The following PPP2R2B variants were observed in gnomAD, a reference collection of about 807,000 sequenced individuals.
PPP2R2B encodes serine/threonine-protein phosphatase 2A 55 kDa regulatory subunit B beta isoform.
A neutral mutation model predicts 46.0 loss-of-function variants in PPP2R2B; 5 were observed. That is an observed-to-expected ratio of 0.11 (90% CI 0.06 to 0.23). The LOEUF is 0.23. Ranked by LOEUF, PPP2R2B falls within the 10% of genes least tolerant of loss-of-function variation. The probability of loss-of-function intolerance (pLI) is 1.00; values close to 1 mark genes in which losing one functional copy is unlikely to be tolerated. For missense variants in PPP2R2B, 367 were observed against 575.0 expected (o/e 0.64, Z 3.70); for synonymous variants, 215 against 206.7 (o/e 1.04, Z -0.34).
chr5:146,978,503 G>T lies in PPP2R2B; in HGVS notation c.79+77162C>A, dbSNP rs113018230. Among the ~76,000 whole-genome samples the T allele has an allele frequency of 2.4e-3, 362 of 152,192 alleles. 2 individuals carry two copies. Among genetic ancestry groups the T allele is most frequent in the African/African-American group, 8.4e-3 (348 of 41,526 alleles). On this transcript the variant is annotated intron_variant, in intron 1 of 8. Transcript: ENST00000336640. ...TCTTCTAGGGCTTTTATGATTTTAC[G>T]TACTACGTTTAAGTCTTTAATACAT...
chr5:146,939,734 T>C (rs1469650147), intron 1 of PPP2R2B, among the ~76,000 whole-genome samples: 4 of 152,186 alleles, frequency 2.6e-5, no homozygotes, highest in Admixed American at 6.5e-5. Context: ...TTGTATTTTA[T>C]CCCCAAATTA....
At chr5:147,033,639 T>C (rs1755899366) in intron 1 of PPP2R2B, among the ~76,000 whole-genome samples, 1 of 152,140 alleles carries the variant, frequency 6.6e-6, no homozygotes, top group Non-Finnish European at 1.5e-5. Flanking sequence ...TTCATCCTCA[T>C]TCTTTGCTAT....
At chr5:146,867,376 G>A (rs1163326672) in intron 2 of PPP2R2B, among the ~76,000 whole-genome samples, 1 of 151,912 alleles carries the variant, frequency 6.6e-6, no homozygotes, top group Non-Finnish European at 1.5e-5. Flanking sequence ...TTCTTCATCG[G>A]GCCTTTCATT....
intron 1 of PPP2R2B, among the ~76,000 whole-genome samples, chr5:146,955,932 C>G (rs1751880317): frequency 6.6e-6 from 1 of 151,760 alleles, no homozygotes; most frequent in Non-Finnish European, 1.5e-5. Flanking sequence ...ATGCCCACCA[C>G]TGTGCCCGGC....
chr5:146,930,253 G>C (rs1323388270), intron 1 of PPP2R2B, among the ~76,000 whole-genome samples: 3 of 152,140 alleles, frequency 2.0e-5, no homozygotes, highest in African/African-American at 7.2e-5. Flanking sequence ...CTCTCTGGAG[G>C]GACAGCAGCA....
At chr5:146,604,782 C>A (rs1772107879) in intron 7 of PPP2R2B, among the ~76,000 whole-genome samples, 1 of 152,212 alleles carries the variant, frequency 6.6e-6, no homozygotes, top group Non-Finnish European at 1.5e-5. Flanking sequence ...CAGGATCATG[C>A]AGCTAGGCAG....
chr5:147,026,341 G>A (rs1169455074), intron 1 of PPP2R2B, among the ~76,000 whole-genome samples: 1 of 152,056 alleles, frequency 6.6e-6, no homozygotes, highest in Non-Finnish European at 1.5e-5. Context: ...TCAAAACAAT[G>A]ATGCTGAGTT....
intron 2 of PPP2R2B, among the ~76,000 whole-genome samples, chr5:146,811,769 T>G (rs1403610700): frequency 1.3e-5 from 2 of 148,408 alleles, no homozygotes; most frequent in Non-Finnish European, 3.0e-5. Flanking sequence ...GGGTTTCACC[T>G]TGTTAGCCAG....
chr5:146,608,887 T>A (rs912416648), intron 7 of PPP2R2B, among the ~76,000 whole-genome samples: 5 of 152,076 alleles, frequency 3.3e-5, no homozygotes, highest in African/African-American at 1.2e-4. Context: ...CTACTCCAAC[T>A]GTTACAAAAA....
chr5:146,635,578 C>T (rs322491), intron 7 of PPP2R2B, among the ~76,000 whole-genome samples: 19,051 of 152,176 alleles, frequency 0.13, 2,283 homozygotes, highest in African/African-American at 0.3. Flanking sequence ...CAGGGCTTCC[C>T]GTGCCATCCC....
rs140989094 is a variant in PPP2R2B at position 147,003,977 on chromosome 5, C to T, written c.79+51688G>A. 3.9e-3 allele frequency among the ~76,000 whole-genome samples: 595 copies of T among 152,180 alleles called. 1 individual carries two copies. Among genetic ancestry groups the T allele is most frequent in the African/African-American group, 0.014 (567 of 41,526 alleles). On this transcript the variant is annotated intron_variant, in intron 1 of 8. Coordinates refer to the PPP2R2B transcript ENST00000336640. Reference sequence around the variant, plus strand: ...AAGCTCCAAAAGTGAGCCCTGGGCCCTGAACAAAATCTGGAGGCATTCTTA... The same window carrying T: ...AAGCTCCAAAAGTGAGCCCTGGGCCTTGAACAAAATCTGGAGGCATTCTTA...
At position 146,581,577 on chromosome 5, in the gene PPP2R2B, CCTT is replaced by C. The variant is rs1269799054; in HGVS notation, c.*8367_*8369del. The stretch of plus-strand genomic sequence containing the variant: ...TAATATGAAAAATAAGAACTGTTGT[CCTT>C]CTTCTCGTCAGGGAGGAAATGAGGG... On this transcript the variant is annotated 3_prime_UTR_variant, in exon 10 of 10. Transcript: ENST00000394411. 2.0e-5 allele frequency: 3 copies of C among 152,102 alleles called. No individual in the cohort carries two copies. The highest frequency in any genetic ancestry group is 4.8e-5 in the African/African-American group (2 of 41,408). 9.4% of individuals were successfully genotyped at this position (152,102 alleles called of 1,614,324 possible).
At position 146,723,740 on chromosome 5, in the gene PPP2R2B, G is replaced by T. The variant is rs80145411; in HGVS notation, c.71-22598C>A. Among the ~76,000 whole-genome samples, 571 of 152,110 alleles carry T rather than the reference G, an allele frequency of 3.8e-3. 1 individual carries two copies. The highest frequency in any genetic ancestry group is 0.013 in the African/African-American group (533 of 41,512). ...AACACACGCCCTGATCTTCTAACAG[G>T]TCCTGAAACCCTTCTCACTCATTCC... On this transcript the variant is annotated intron_variant, in intron 2 of 9. Coordinates refer to ENST00000394411, the MANE Select transcript of PPP2R2B (RefSeq NM_181675.4).
chr5:146,856,381 T>A (rs1296624360), intron 2 of PPP2R2B: 2 of 748,026 alleles, frequency 2.7e-6, no homozygotes, highest in African/African-American at 3.5e-5. Context: ...CTGGAACTAT[T>A]TAAAAAATGT....
chr5:146,699,684 T>TA, intron 3 of PPP2R2B, among the ~76,000 whole-genome samples: 1 of 148,514 alleles, frequency 6.7e-6, no homozygotes, highest in Non-Finnish European at 1.5e-5. Context: ...TTTTTTTTTT[T>TA]AAGAAAAAGC....
intron 1 of PPP2R2B, among the ~76,000 whole-genome samples, chr5:146,989,861 C>T (rs984216367): frequency 6.6e-6 from 1 of 151,750 alleles, no homozygotes; most frequent in Admixed American, 6.6e-5. Flanking sequence ...AAAGACTCCA[C>T]TAAAAAACTA....
intron 5 of PPP2R2B, among the ~76,000 whole-genome samples, chr5:146,651,051 T>A (rs1328928387): frequency 2.6e-5 from 4 of 152,196 alleles, no homozygotes; most frequent in Non-Finnish European, 4.4e-5. Context: ...AGAGACATTG[T>A]TCTATTTTTT....
At chr5:146,604,229 GTGGAAGGTAAA>G (rs1403652743) in intron 7 of PPP2R2B, among the ~76,000 whole-genome samples, 4 of 152,202 alleles carry the variant, frequency 2.6e-5, no homozygotes, top group Non-Finnish European at 5.9e-5. Context: ...GAACTGGCTA[GTGGAAGGTAAA>G]TGGAACACCA....
chr5:146,845,532 C>T (rs11948136), intron 2 of PPP2R2B, among the ~76,000 whole-genome samples: 1,815 of 152,124 alleles, frequency 0.012, 43 homozygotes, highest in African/African-American at 0.042. Flanking sequence ...GGATTACAGG[C>T]GTGAGCCACC....
Sources: allele counts gnomAD v4.1 joint callset (sites outside exome capture counted in the v4.1 genomes callset), GRCh38; gene constraint gnomAD v4.1.1; transcripts MANE v1.5; gene names NCBI Gene and HGNC (gene_info 2026-07-23, HGNC 2026-07-21).